The following TBC1D22B variants were observed in gnomAD, a reference collection of about 807,000 sequenced individuals.
The protein encoded by TBC1D22B is chromosome 6 open reading frame 197.
TBC1D22B carries 32 observed loss-of-function variants against 69.1 expected under a neutral mutation model. That is an observed-to-expected ratio of 0.46 (90% CI 0.35 to 0.62). TBC1D22B has a LOEUF of 0.62. TBC1D22B is among the 20% of genes least tolerant of loss of function. TBC1D22B has a pLI of 0.00. For missense variants in TBC1D22B, 462 were observed against 630.9 expected (o/e 0.73, Z 2.87); for synonymous variants, 206 against 229.8 (o/e 0.90, Z 0.94).
At chr6:37,324,840 C>T (rs1768348980) in intron 12 of TBC1D22B, among the ~76,000 whole-genome samples, 1 of 152,190 alleles carries the variant, frequency 6.6e-6, no homozygotes, top group South Asian at 2.1e-4. Flanking sequence ...TACCCTGTGA[C>T]CCTAGGCAAG....
At chr6:37,262,535 C>G (rs960193339) in intron 1 of TBC1D22B, among the ~76,000 whole-genome samples, 1 of 152,110 alleles carries the variant, frequency 6.6e-6, no homozygotes, top group African/African-American at 2.4e-5. Context: ...AAAGAGAGGC[C>G]AAGTTAAGAA....
At chr6:37,316,458 G>A (rs1455922604) in intron 10 of TBC1D22B, among the ~76,000 whole-genome samples, 5 of 152,212 alleles carry the variant, frequency 3.3e-5, no homozygotes, top group Admixed American at 1.3e-4. Flanking sequence ...CAAAGGAAGC[G>A]GGGCTCCTAG....
At chr6:37,262,995 T>G (rs1766158796) in intron 1 of TBC1D22B, among the ~76,000 whole-genome samples, 1 of 152,258 alleles carries the variant, frequency 6.6e-6, no homozygotes, top group Non-Finnish European at 1.5e-5. Flanking sequence ...TTCCATGGCA[T>G]TCTTTTCTCT....
At chr6:37,327,489 A>AT (rs1768455991) in intron 12 of TBC1D22B, among the ~76,000 whole-genome samples, 1 of 93,356 alleles carries the variant, frequency 1.1e-5, no homozygotes, top group East Asian at 2.4e-4. Context: ...AAAAAAAAAA[A>AT]AAAAAAAAAA....
At chr6:37,322,899 G>C (rs1768291590) in intron 12 of TBC1D22B, among the ~76,000 whole-genome samples, 1 of 152,086 alleles carries the variant, frequency 6.6e-6, no homozygotes, top group Non-Finnish European at 1.5e-5. Context: ...AGCATGAGCT[G>C]TGCCCAGTTG....
chr6:37,314,363 C>T (rs1365032763), intron 10 of TBC1D22B, among the ~76,000 whole-genome samples: 5 of 152,210 alleles, frequency 3.3e-5, no homozygotes, highest in East Asian at 1.9e-4. Context: ...TTGTCCTTCA[C>T]GTTATGATGT....
Position 37,332,393 on chromosome 6 carries a change from G to C in TBC1D22B, c.*1221G>C, listed in dbSNP as rs1488672160. 6.6e-6 allele frequency: 1 copy of C among 152,620 alleles called. No individual in the cohort carries two copies. Among genetic ancestry groups the C allele is most frequent in the Admixed American group, 6.5e-5 (1 of 15,280 alleles). The allele number at this position is 152,620 out of a possible 1,614,324, so 9.5% of individuals were successfully genotyped here. ...TTATCCCCACCTTCCCCGGAATCTG[G>C]GGAGGGCTTTTGTTTTTACGTTTTC... On this transcript the variant is annotated 3_prime_UTR_variant, in exon 13 of 13. Transcript: ENST00000373491.
At position 37,305,816 on chromosome 6, in the gene TBC1D22B, G is replaced by C. The variant is rs114368144; in HGVS notation, c.983-7102G>C. Among the ~76,000 whole-genome samples the C allele has an allele frequency of 6.9e-3, 1,048 of 152,270 alleles. 12 individuals are homozygous for C. Among genetic ancestry groups the C allele is most frequent in the African/African-American group, 0.022 (933 of 41,520 alleles). ...ATTACAGGCGTCAGCCACCGCGCCC[G>C]GTCAGTTTTGCCTATTTCTAAGCTT... On this transcript the variant is annotated intron_variant, in intron 8 of 12. Transcript: ENST00000373491.
intron 4 of TBC1D22B, 113 bp from the exon 5 acceptor site, chr6:37,282,769 G>T: frequency 1.0e-6 from 1 of 966,306 alleles, no homozygotes; most frequent in South Asian, 1.4e-5. Flanking sequence ...ATGGGTAGCA[G>T]GTGGTGGTGG....
chr6:37,307,797 C>T (rs372683202), intron 8 of TBC1D22B, among the ~76,000 whole-genome samples: 11 of 152,156 alleles, frequency 7.2e-5, no homozygotes, highest in Admixed American at 3.9e-4. Flanking sequence ...TTGGTCCGGC[C>T]GGTCAGGTTG....
intron 6 of TBC1D22B, among the ~76,000 whole-genome samples, chr6:37,286,414 C>T (rs1180990668): frequency 2.0e-5 from 3 of 151,518 alleles, no homozygotes; most frequent in Non-Finnish European, 4.4e-5. Context: ...CTCCCGGGTT[C>T]ACACCATTCT....
At chr6:37,320,682 A>T (rs1188504810) in intron 12 of TBC1D22B, among the ~76,000 whole-genome samples, 2 of 152,146 alleles carry the variant, frequency 1.3e-5, no homozygotes, top group Admixed American at 1.3e-4. Context: ...CCCCAGCAGG[A>T]AGGGTGCGTG....
chr6:37,295,086 A>T (rs1767316844), intron 8 of TBC1D22B, among the ~76,000 whole-genome samples: 1 of 152,176 alleles, frequency 6.6e-6, no homozygotes, highest in African/African-American at 2.4e-5. Flanking sequence ...GGTTGACTCC[A>T]ATTTTTAAAA....
intron 12 of TBC1D22B, among the ~76,000 whole-genome samples, chr6:37,322,442 G>C (rs2113790226): frequency 6.6e-6 from 1 of 152,234 alleles, no homozygotes; most frequent in East Asian, 1.9e-4. Context: ...GCTTGAACCT[G>C]GGAGGCGGAG....
In TBC1D22B at chr6:37,287,533, A is replaced by ATTTAAC. The variant is rs1366878830; in HGVS notation, c.867+462_867+463insTTAACT. ...TCATCTTCCCAAACTGGAACTCTGT[A>ATTTAAC]TCCATTAAATATTAACTCTCTTCTG... On this transcript the variant is annotated intron_variant, in intron 7 of 12. Transcript: ENST00000373491. 2.6e-5 allele frequency among the ~76,000 whole-genome samples: 4 copies of ATTTAAC among 152,340 alleles called. No homozygotes were observed. The East Asian group carries it at 7.7e-4, about 29-fold the overall frequency.
intron 2 of TBC1D22B, among the ~76,000 whole-genome samples, chr6:37,273,195 A>T (rs970267647): frequency 3.9e-5 from 6 of 152,024 alleles, no homozygotes; most frequent in Admixed American, 6.5e-5. Flanking sequence ...AAAAAAAAAA[A>T]AAAAAAAAAA....
intron 2 of TBC1D22B, among the ~76,000 whole-genome samples, chr6:37,276,624 C>T (rs1209604935): frequency 6.6e-6 from 1 of 152,110 alleles, no homozygotes; most frequent in Non-Finnish European, 1.5e-5. Context: ...GAATCATTAT[C>T]TGCTTCAAAA....
chr6:37,284,673 T>G (rs1403029037), intron 6 of TBC1D22B, among the ~76,000 whole-genome samples: 1 of 152,234 alleles, frequency 6.6e-6, no homozygotes, highest in Non-Finnish European at 1.5e-5. Flanking sequence ...TTGGCACTAG[T>G]CAGTGCACTG....
intron 1 of TBC1D22B, among the ~76,000 whole-genome samples, chr6:37,263,831 A>G: frequency 6.6e-6 from 1 of 152,000 alleles, no homozygotes; most frequent in African/African-American, 2.4e-5. Flanking sequence ...TGACCCACCC[A>G]CCTTGGCCTC....
Sources: gnomAD v4.1 joint callset for allele counts (sites outside exome capture counted in the v4.1 genomes callset) on GRCh38, gnomAD v4.1.1 for gene constraint, MANE v1.5 for transcripts, NCBI Gene and HGNC (gene_info 2026-07-23, HGNC 2026-07-21) for gene names.